Variants in MYH11 observed in about 807,000 individuals in gnomAD.
MYH11 encodes myosin-11.
MYH11 carries 80 observed loss-of-function variants against 246.6 expected under a neutral mutation model. The ratio of observed to expected loss-of-function variants is 0.32; its 90% CI spans 0.27 to 0.39. The LOEUF is 0.39. MYH11 is among the 10% of genes least tolerant of loss of function. MYH11 has a pLI of 1.00. For missense variants in MYH11, 2,158 were observed against 2,546.8 expected, an observed-to-expected ratio of 0.85 and a Z score of 3.29; for synonymous variants, 1,071 against 1,015.5, an observed-to-expected ratio of 1.05 and a Z score of -1.04.
Position 15,703,643 on chromosome 16 carries a change from C to T in MYH11, c.*348G>A, listed in dbSNP as rs1461432013. On this transcript the variant is annotated 3_prime_UTR_variant, in exon 41 of 41. Coordinates refer to ENST00000300036, the MANE Select transcript of MYH11 (RefSeq NM_002474.3). ...GGTCTCTGTTGCCCAGGCTGGAGTG[C>T]AATGATGCAATTATAGCTCATTGCA... 1.4e-5 allele frequency: 6 copies of T among 416,988 alleles called. No homozygotes were observed. In the South Asian group the frequency reaches 1.4e-4, roughly 10 times the overall value. The allele number at this position is 416,988 out of a possible 1,614,324, so 25.8% of individuals were successfully genotyped here. A position where few individuals can be genotyped will look rare whatever the true frequency, so the allele number is the denominator to read the frequency against.
In MYH11 at chr16:15,718,298, G is replaced by A. The variant is rs771046603; in HGVS notation, c.5295+17C>T. 1.1e-5 allele frequency: 17 copies of A among 1,607,818 alleles called. No homozygotes were observed. In the East Asian group the frequency reaches 2.7e-4, roughly 25 times the overall value. On this transcript the variant is annotated intron_variant, in intron 37 of 40. Coordinates refer to ENST00000300036, the MANE Select transcript of MYH11 (RefSeq NM_002474.3). ...AGACAGTAGGCAGCGTGACTGTGGTGTCCAGGCGGCCCTCACCTGCTGTGT... is the reference window on the plus strand; with the variant it reads ...AGACAGTAGGCAGCGTGACTGTGGTATCCAGGCGGCCCTCACCTGCTGTGT...
chr16:15,789,148 C>A (rs2042551629), intron 4 of MYH11, among the ~76,000 whole-genome samples: 1 of 152,016 alleles, frequency 6.6e-6, no homozygotes, highest in Admixed American at 6.6e-5. Context: ...GGTCACACAG[C>A]AAAGAAGGGA....
intron 40 of MYH11, among the ~76,000 whole-genome samples, chr16:15,709,453 T>C (rs2039656676): frequency 6.6e-6 from 1 of 152,148 alleles, no homozygotes; most frequent in African/African-American, 2.4e-5. Context: ...TAGCTGGGAT[T>C]ACAGGCATGC....
intron 3 of MYH11, among the ~76,000 whole-genome samples, chr16:15,822,561 T>A (rs112461604): frequency 0.013 from 1,990 of 152,026 alleles, 45 homozygotes; most frequent in African/African-American, 0.043. Flanking sequence ...CCCACCTTTT[T>A]AAAATTAGCT....
At chr16:15,744,958 G>A (rs1000506038) in intron 20 of MYH11, among the ~76,000 whole-genome samples, 171 bp downstream of exon 20, 2 of 152,344 alleles carry the variant, frequency 1.3e-5, no homozygotes, top group South Asian at 4.1e-4. Flanking sequence ...TAGCCTATGT[G>A]CCAAAGGACA....
chr16:15,717,018 C>T, intron 38 of MYH11, 122 bp downstream of exon 38: 1 of 1,030,448 alleles, frequency 9.7e-7, no homozygotes, highest in Non-Finnish European at 1.5e-6. Context: ...GCACTGTAGG[C>T]ATCACAGAGC....
chr16:15,731,391 C>T (rs1280003154), intron 27 of MYH11, among the ~76,000 whole-genome samples: 1 of 152,154 alleles, frequency 6.6e-6, no homozygotes, highest in Non-Finnish European at 1.5e-5. Flanking sequence ...CCTAGGACCT[C>T]AGTTTCTTTG....
At chr16:15,740,541 G>A (rs1054412374) in intron 22 of MYH11, among the ~76,000 whole-genome samples, 18 of 151,660 alleles carry the variant, frequency 1.2e-4, no homozygotes, top group African/African-American at 4.4e-4. Context: ...AACCCGAGAG[G>A]CAGAGGTTGC....
intron 4 of MYH11, among the ~76,000 whole-genome samples, chr16:15,788,102 A>AT (rs1233903238): frequency 8.2e-5 from 2 of 24,484 alleles, no homozygotes; most frequent in East Asian, 2.2e-3. Context: ...TTTTACCAAG[A>AT]TGGCTTTCGT....
rs370121310 is a variant in MYH11 at position 15,798,621 on chromosome 16, A to C, written c.530+39T>G. ...TCGACTACAGATTAAAAAAAAAAAA[A>C]AACAAAAAAAAAACAGAAGAAAAAG... On this transcript the variant is annotated intron_variant, in intron 4 of 40. Transcript: ENST00000300036. 3.6e-4 allele frequency: 472 copies of C among 1,317,938 alleles called. 1 individual carries two copies. Among genetic ancestry groups the C allele is most frequent in the Admixed American group, 1.6e-3 (73 of 46,354 alleles). 81.6% of individuals were successfully genotyped at this position (1,317,938 alleles called of 1,614,324 possible). A position where few individuals can be genotyped will look rare whatever the true frequency, so the allele number is the denominator to read the frequency against.
intron 24 of MYH11, 38 bp from the exon 25 acceptor site, chr16:15,737,658 C>A (rs1351886300): frequency 6.2e-7 from 1 of 1,605,270 alleles, no homozygotes; most frequent in Non-Finnish European, 8.5e-7. Flanking sequence ...AGGGGAGGCC[C>A]CAGAGAGATG....
intron 6 of MYH11, among the ~76,000 whole-genome samples, chr16:15,780,983 G>A (rs2042340049): frequency 1.3e-5 from 2 of 152,190 alleles, no homozygotes; most frequent in South Asian, 2.1e-4. Flanking sequence ...ATTTGTAGCT[G>A]TCGCCGTGGA....
Position 15,716,662 on chromosome 16 carries a change from T to C in MYH11, c.5504+478A>G, listed in dbSNP as rs141973181. Among the ~76,000 whole-genome samples the C allele has an allele frequency of 2.0e-3, 299 of 152,272 alleles. 1 individual carries two copies. The highest frequency in any genetic ancestry group is 2.5e-3 in the South Asian group (12 of 4,824). On this transcript the variant is annotated intron_variant, in intron 38 of 40. Transcript: ENST00000300036. The stretch of plus-strand genomic sequence containing the variant: ...TCAGTCTCCTGAGTAGCTGAGATAA[T>C]AGGCATGTGCCACCACACTCGGCTA...
chr16:15,825,176 T>C (rs577817814), intron 2 of MYH11, among the ~76,000 whole-genome samples: 1 of 152,102 alleles, frequency 6.6e-6, no homozygotes, highest in Non-Finnish European at 1.5e-5. Context: ...AAAACAGACT[T>C]GTGGTTCCCA....
chr16:15,764,114 G>C (rs1387913498), intron 9 of MYH11, among the ~76,000 whole-genome samples: 1 of 152,120 alleles, frequency 6.6e-6, no homozygotes, highest in Non-Finnish European at 1.5e-5. Context: ...GACCAAATCT[G>C]GCCCACTGCT....
At chr16:15,839,092 C>A (rs771355069) in intron 1 of MYH11, among the ~76,000 whole-genome samples, 3 of 151,634 alleles carry the variant, frequency 2.0e-5, no homozygotes, top group Non-Finnish European at 2.9e-5. Context: ...CACCTGTAGT[C>A]TCAGCTACTT....
intron 2 of MYH11, among the ~76,000 whole-genome samples, chr16:15,831,932 C>T (rs1436963449): frequency 3.3e-5 from 5 of 150,994 alleles, no homozygotes; most frequent in African/African-American, 9.8e-5. Flanking sequence ...AGCGAGACTC[C>T]ATGTTAAAAA....
chr16:15,818,211 T>C (rs887266639), intron 3 of MYH11, among the ~76,000 whole-genome samples: 24 of 152,166 alleles, frequency 1.6e-4, no homozygotes, highest in African/African-American at 5.6e-4. Context: ...ATGTGCTAGC[T>C]TTCTCTCTCC....
chr16:15,801,886 G>A (rs2042895625), intron 3 of MYH11, among the ~76,000 whole-genome samples: 1 of 152,072 alleles, frequency 6.6e-6, no homozygotes, highest in Non-Finnish European at 1.5e-5. Flanking sequence ...CAACCCAGGA[G>A]GTGGAGGTTG....
Sources: allele counts gnomAD v4.1 joint callset (sites outside exome capture counted in the v4.1 genomes callset), GRCh38; gene constraint gnomAD v4.1.1; transcripts MANE v1.5; gene names NCBI Gene and HGNC (gene_info 2026-07-23, HGNC 2026-07-21).